SOX13: variants seen among roughly 807,000 people sequenced by gnomAD.
SOX13 encodes the protein transcription factor SOX-13.
A neutral mutation model predicts 71.8 loss-of-function variants in SOX13; 28 were observed. The observed-to-expected ratio is 0.39, with a 90% CI of 0.29 to 0.53. The LOEUF (loss-of-function observed/expected upper bound fraction) is 0.53, where lower values mean the gene tolerates loss of function less well. Among genes scored for constraint, SOX13 ranks in the 20% least tolerant of loss-of-function variants. The pLI is 0.70. For synonymous variants in SOX13, 309 were observed against 317.8 expected (o/e 0.97, Z 0.29); for missense variants, 627 against 810.3 (o/e 0.77, Z 2.75).
In SOX13 at chr1:204,114,622, G is replaced by T. The variant is rs922708435; in HGVS notation, c.418+17G>T. 3 of 1,588,768 alleles carry T rather than the reference G, an allele frequency of 1.9e-6. No homozygotes were observed. The highest frequency in any genetic ancestry group is 2.7e-5 in the African/African-American group (2 of 74,390). On this transcript the variant is annotated intron_variant, in intron 4 of 13. Transcript: ENST00000367204. ...ATGTCAAAGGTGAAGGCCTGTTGGG[G>T]GTGGGGGAGATGTTTGAACCCCATC...
intron 1 of SOX13, among the ~76,000 whole-genome samples, chr1:204,077,892 A>G (rs1445045489): frequency 2.0e-5 from 3 of 151,976 alleles, no homozygotes; most frequent in East Asian, 1.9e-4. Flanking sequence ...GCTCACTGCA[A>G]CCTCCACCTC....
rs543922076 is a variant in SOX13 at position 204,097,648 on chromosome 1, G to A, written c.-1-15267G>A. 8.8e-4 allele frequency among the ~76,000 whole-genome samples: 127 copies of A among 144,578 alleles called. 3 individuals carry two copies. In the South Asian group the frequency reaches 0.026, roughly 29 times the overall value. The allele number at this position is 144,578 out of a possible 152,430, so 94.8% of individuals were successfully genotyped here. ...AGAGGTTGCAGTGAGCCGAGATTGC[G>A]CCATTGCATTCCAGCCTGAATGCAA... On this transcript the variant is annotated intron_variant, in intron 1 of 13. Transcript: ENST00000367204.
At chr1:204,097,582 T>A (rs962014997) in intron 1 of SOX13, among the ~76,000 whole-genome samples, 4 of 151,112 alleles carry the variant, frequency 2.6e-5, no homozygotes, top group African/African-American at 9.7e-5. Context: ...TCCCAGCTAC[T>A]CGGGAGGCTG....
intron 1 of SOX13, among the ~76,000 whole-genome samples, chr1:204,108,042 G>C (rs996740971): frequency 6.6e-6 from 1 of 152,144 alleles, no homozygotes; most frequent in African/African-American, 2.4e-5. Context: ...GAGGGACCGT[G>C]GAGGCTAAGT....
chr1:204,124,529 A>G, intron 12 of SOX13, 112 bp from the exon 13 acceptor site: 1 of 837,122 alleles, frequency 1.2e-6, no homozygotes, highest in Admixed American at 2.4e-5. Flanking sequence ...GCTTGCACAT[A>G]TATTATCTTA....
intron 1 of SOX13, among the ~76,000 whole-genome samples, chr1:204,079,993 G>C (rs896996246): frequency 8.5e-5 from 13 of 152,222 alleles, no homozygotes; most frequent in African/African-American, 2.4e-4. Context: ...ACAGCTAGGA[G>C]ACGTCCCGAG....
chr1:204,111,899 T>G (rs1025947164), intron 1 of SOX13, among the ~76,000 whole-genome samples: 12 of 152,120 alleles, frequency 7.9e-5, no homozygotes, highest in Admixed American at 5.9e-4. Flanking sequence ...TTTTACCTTA[T>G]CTCCACTGTA....
rs1656813796 is a variant in SOX13, at chr1:204,121,930, C to T, written c.806C>T (p.Pro269Leu). The T allele has an allele frequency of 4.3e-6, 7 of 1,612,990 alleles. No individual in the cohort carries two copies. Among genetic ancestry groups the T allele is most frequent in the Non-Finnish European group, 5.9e-6 (7 of 1,179,110 alleles). The change falls in exon 8 of 14, where the codon CCC (proline) becomes CTC (leucine). Residue 269 changes from proline to leucine, a missense_variant. Pro to Leu is a moderately conservative substitution (Grantham distance 98). This residue lies in a region of SOX13 where 447 missense variants were observed against 532.2 expected (regional missense o/e 0.84). Transcript: ENST00000367204. ...VEYPLQLLHS[P>L]PAPVVKRPGA... ...TATCCGCTGCAGCTGCTGCACAGCCCCCCTGCCCCAGTGGTGAAGAGGCCT... is the reference window on the plus strand; with the variant it reads ...TATCCGCTGCAGCTGCTGCACAGCCTCCCTGCCCCAGTGGTGAAGAGGCCT...
chr1:204,105,299 GGAA>G (rs1465599764), intron 1 of SOX13, among the ~76,000 whole-genome samples: 1 of 152,238 alleles, frequency 6.6e-6, no homozygotes, highest in Admixed American at 6.5e-5. Context: ...AGACCACAGA[GGAA>G]GAAGAATGGA....
At chr1:204,122,508 C>G in intron 9 of SOX13, 109 bp downstream of exon 9, 1 of 854,272 alleles carries the variant, frequency 1.2e-6, no homozygotes, top group Non-Finnish European at 1.8e-6. Context: ...CAGATTTTAT[C>G]AAATGAGGGG....
intron 1 of SOX13, among the ~76,000 whole-genome samples, chr1:204,092,904 T>C (rs1478383722): frequency 3.3e-5 from 1 of 30,414 alleles, no homozygotes; most frequent in Non-Finnish European, 5.4e-5. Context: ...GTGTTTCCGC[T>C]TCCTAACTGA....
chr1:204,105,322 G>GTGA (rs1656446435), intron 1 of SOX13, among the ~76,000 whole-genome samples: 1 of 152,192 alleles, frequency 6.6e-6, no homozygotes, highest in Non-Finnish European at 1.5e-5. Flanking sequence ...AAGAGGGATT[G>GTGA]TGAGGTGGGT....
At chr1:204,074,749 G>A (rs1174946322) in intron 1 of SOX13, among the ~76,000 whole-genome samples, 3 of 152,172 alleles carry the variant, frequency 2.0e-5, no homozygotes, top group Non-Finnish European at 2.9e-5. Context: ...TTGAACTTCA[G>A]CCCTGGACCT....
intron 1 of SOX13, among the ~76,000 whole-genome samples, chr1:204,083,630 C>T (rs1461927693): frequency 1.3e-5 from 2 of 152,194 alleles, no homozygotes; most frequent in Non-Finnish European, 2.9e-5. Flanking sequence ...CGGGGCCTTA[C>T]TAATCCAAGA....
At chr1:204,116,041 A>C (rs1157393138) in intron 4 of SOX13, 2 of 551,856 alleles carry the variant, frequency 3.6e-6, no homozygotes, top group African/African-American at 4.0e-5. Context: ...GATTTTGAAA[A>C]CCCTAAAGTG....
At chr1:204,076,300 T>C (rs1474747464) in intron 1 of SOX13, among the ~76,000 whole-genome samples, 2 of 152,076 alleles carry the variant, frequency 1.3e-5, no homozygotes, top group African/African-American at 4.8e-5. Flanking sequence ...GCAGGGTGAA[T>C]TTCCAGAGCA....
intron 1 of SOX13, among the ~76,000 whole-genome samples, chr1:204,077,852 C>T (rs1331350961): frequency 6.6e-6 from 1 of 152,138 alleles, no homozygotes; most frequent in Admixed American, 6.6e-5. Context: ...TACTCTGTCG[C>T]CCAGACTGGA....
intron 1 of SOX13, among the ~76,000 whole-genome samples, chr1:204,083,370 A>C (rs1301396543): frequency 6.6e-6 from 1 of 152,050 alleles, no homozygotes; most frequent in Non-Finnish European, 1.5e-5. Context: ...GGAAGAGAGG[A>C]AGTTTCTGCC....
intron 1 of SOX13, among the ~76,000 whole-genome samples, chr1:204,084,481 G>T (rs953240669): frequency 6.6e-6 from 1 of 152,188 alleles, no homozygotes. Context: ...CAGCCTCCAG[G>T]GCTGCCAGGA....
Sources: allele counts gnomAD v4.1 joint callset (sites outside exome capture counted in the v4.1 genomes callset), GRCh38; gene constraint gnomAD v4.1.1; regional missense constraint gnomAD v4.1.1; transcripts MANE v1.5; gene names NCBI Gene and HGNC (gene_info 2026-07-23, HGNC 2026-07-21).